Variants in MAPK10 observed in about 807,000 individuals in gnomAD.
The protein encoded by MAPK10 is mitogen-activated protein kinase 10.
Under a neutral mutation model 59.3 loss-of-function variants are expected in MAPK10, and 25 were observed. The ratio of observed to expected loss-of-function variants is 0.42; its 90% CI spans 0.31 to 0.59. The LOEUF is 0.59. Ranked by LOEUF, MAPK10 falls within the 20% of genes least tolerant of loss-of-function variation. MAPK10 has a pLI of 0.15. For missense variants in MAPK10, 351 were observed against 568.9 expected, an observed-to-expected ratio of 0.62 and a Z score of 3.90; for synonymous variants, 190 against 200.5, an observed-to-expected ratio of 0.95 and a Z score of 0.44.
chr4:86,585,262 T>C (rs1372536271), intron 1 of MAPK10, among the ~76,000 whole-genome samples: 1 of 152,184 alleles, frequency 6.6e-6, no homozygotes, highest in Admixed American at 6.5e-5. Flanking sequence ...CTTCATTTTT[T>C]AAAAATGAAA....
chr4:86,180,398 A>G (rs1382061629), intron 3 of MAPK10, among the ~76,000 whole-genome samples: 2 of 151,832 alleles, frequency 1.3e-5, no homozygotes, highest in Non-Finnish European at 2.9e-5. Context: ...GTAAACTAGT[A>G]CAAGCACTAT....
chr4:86,489,989 G>A (rs1335552924), intron 1 of MAPK10, among the ~76,000 whole-genome samples: 1 of 152,076 alleles, frequency 6.6e-6, no homozygotes, highest in Non-Finnish European at 1.5e-5. Flanking sequence ...AACAAGCCAA[G>A]TATGGTTCAC....
intron 1 of MAPK10, among the ~76,000 whole-genome samples, chr4:86,406,929 A>T (rs1044238618): frequency 2.0e-5 from 3 of 152,174 alleles, no homozygotes; most frequent in African/African-American, 7.2e-5. Flanking sequence ...AATGACCTTC[A>T]CATGGCAATC....
chr4:86,083,494 C>T (rs2051109061), intron 9 of MAPK10, among the ~76,000 whole-genome samples: 1 of 152,114 alleles, frequency 6.6e-6, no homozygotes, highest in African/African-American at 2.4e-5. Context: ...GCATTTAAAC[C>T]AGCCCTGGCC....
At chr4:86,106,300 TTC>T (rs916362280) in intron 5 of MAPK10, among the ~76,000 whole-genome samples, 16 of 152,060 alleles carry the variant, frequency 1.1e-4, no homozygotes, top group African/African-American at 3.1e-4. Flanking sequence ...TGGTAATGTG[TTC>T]TGTGTAATTT....
At chr4:86,159,245 T>C in intron 4 of MAPK10, 53 bp downstream of exon 4, 2 of 1,385,098 alleles carry the variant, frequency 1.4e-6, no homozygotes, top group South Asian at 1.5e-5. Context: ...TTGTGTCTAG[T>C]AGTTGCACAC....
chr4:86,155,242 G>T (rs1581451431), intron 4 of MAPK10, among the ~76,000 whole-genome samples: 1 of 151,856 alleles, frequency 6.6e-6, no homozygotes, highest in East Asian at 1.9e-4. Flanking sequence ...AACATGCCTG[G>T]CAATTTATAT....
At chr4:86,571,992 T>A (rs952180136) in intron 1 of MAPK10, among the ~76,000 whole-genome samples, 10 of 152,154 alleles carry the variant, frequency 6.6e-5, no homozygotes, top group African/African-American at 2.4e-4. Flanking sequence ...ATTATTAGGC[T>A]GAATTTTGTC....
intron 1 of MAPK10, among the ~76,000 whole-genome samples, chr4:86,541,847 G>C (rs1758717041): frequency 6.6e-6 from 1 of 151,794 alleles, no homozygotes; most frequent in Non-Finnish European, 1.5e-5. Context: ...CCTTCCTTAA[G>C]TTTGTAACTG....
chr4:86,424,301 T>A (rs923185322), intron 1 of MAPK10, among the ~76,000 whole-genome samples: 1 of 152,200 alleles, frequency 6.6e-6, no homozygotes, highest in Non-Finnish European at 1.5e-5. Context: ...GCGATTCTCC[T>A]GTCTCAGCTT....
At chr4:86,020,853 G>A (rs1258757847) in intron 13 of MAPK10, 3 of 152,624 alleles carry the variant, frequency 2.0e-5, no homozygotes, top group Non-Finnish European at 4.4e-5. Context: ...AGAGTGAGCA[G>A]TAGCAACATC....
rs75634295 is a variant in MAPK10, at chr4:86,408,787, G to C, written c.-122+44243C>G. 2.6e-5 allele frequency among the ~76,000 whole-genome samples: 4 copies of C among 152,260 alleles called. No homozygotes were observed. In the East Asian group the frequency reaches 7.7e-4, roughly 29 times the overall value. ...TGTAAATTTGTTTAAGTTCTTTGTAGATTCTGGATATTAGTCCTTTGTCAG... is the reference window on the plus strand; with the variant it reads ...TGTAAATTTGTTTAAGTTCTTTGTACATTCTGGATATTAGTCCTTTGTCAG... On this transcript the variant is annotated intron_variant, in intron 1 of 13. Transcript: ENST00000361569.
chr4:86,429,060 T>C (rs1168488899), intron 1 of MAPK10, among the ~76,000 whole-genome samples: 1 of 152,230 alleles, frequency 6.6e-6, no homozygotes, highest in Non-Finnish European at 1.5e-5. Flanking sequence ...TGAACAAGGT[T>C]TTAAAAACCA....
intron 9 of MAPK10, 108 bp downstream of exon 9, chr4:86,098,416 C>T: frequency 1.9e-6 from 3 of 1,538,922 alleles, no homozygotes; most frequent in South Asian, 1.2e-5. Flanking sequence ...AATAACACCA[C>T]TTACCCAACT....
intron 11 of MAPK10, among the ~76,000 whole-genome samples, chr4:86,052,311 C>A (rs1458033837): frequency 6.6e-6 from 1 of 151,982 alleles, no homozygotes; most frequent in Non-Finnish European, 1.5e-5. Context: ...CTAAGAGTAA[C>A]TTATCAGCAT....
chr4:86,437,572 C>A (rs1748916029), intron 1 of MAPK10, among the ~76,000 whole-genome samples: 1 of 152,128 alleles, frequency 6.6e-6, no homozygotes, highest in Admixed American at 6.6e-5. Context: ...TTTTCCTTTA[C>A]TGTTGTGTCT....
intron 2 of MAPK10, among the ~76,000 whole-genome samples, chr4:86,320,955 A>T (rs2095876817): frequency 6.9e-6 from 1 of 144,526 alleles, no homozygotes; most frequent in Non-Finnish European, 1.5e-5. Flanking sequence ...AAAAGAAGAC[A>T]ATTATGCAGC....
chr4:86,573,477 A>G (rs1761621694), intron 1 of MAPK10, among the ~76,000 whole-genome samples: 1 of 152,088 alleles, frequency 6.6e-6, no homozygotes, highest in South Asian at 2.1e-4. Context: ...TCCCAATACT[A>G]CACTGTCTTG....
At chr4:86,566,943 C>T (rs1445079982) in intron 1 of MAPK10, among the ~76,000 whole-genome samples, 1 of 152,044 alleles carries the variant, frequency 6.6e-6, no homozygotes, top group Non-Finnish European at 1.5e-5. Flanking sequence ...GTGGTGCATG[C>T]CTTAGTAGTC....
Sources: allele counts gnomAD v4.1 joint callset (sites outside exome capture counted in the v4.1 genomes callset), GRCh38; gene constraint gnomAD v4.1.1; transcripts MANE v1.5; gene names NCBI Gene and HGNC (gene_info 2026-07-23, HGNC 2026-07-21).